CDS1: variants seen among roughly 807,000 people sequenced by gnomAD.
CDS1 encodes the protein CDP-diacylglycerol synthase 1.
A neutral mutation model predicts 62.1 loss-of-function variants in CDS1; 41 were observed. The observed-to-expected ratio is 0.66, with a 90% CI of 0.51 to 0.86. The LOEUF (loss-of-function observed/expected upper bound fraction) is 0.86, where lower values mean the gene tolerates loss of function less well. Ranked by LOEUF, CDS1 falls within the 40% of genes least tolerant of loss-of-function variation. The pLI, the probability that CDS1 is intolerant of heterozygous loss-of-function variation, is 0.00. For missense variants in CDS1, 470 were observed against 550.1 expected, an observed-to-expected ratio of 0.85 and a Z score of 1.46; for synonymous variants, 185 against 192.6, an observed-to-expected ratio of 0.96 and a Z score of 0.32.
intron 11 of CDS1, among the ~76,000 whole-genome samples, chr4:84,644,290 G>A (rs1724485625): frequency 6.6e-6 from 1 of 152,206 alleles, no homozygotes; most frequent in African/African-American, 2.4e-5. Context: ...CAACAGCTGT[G>A]CAGGATAAGT....
intron 1 of CDS1, among the ~76,000 whole-genome samples, chr4:84,599,447 T>C (rs1722866276): frequency 2.9e-5 from 4 of 138,094 alleles, no homozygotes; most frequent in Non-Finnish European, 1.6e-5. Flanking sequence ...TATATATATA[T>C]ATATGCCTAT....
At chr4:84,591,742 G>T (rs1219691569) in intron 1 of CDS1, among the ~76,000 whole-genome samples, 1 of 152,144 alleles carries the variant, frequency 6.6e-6, no homozygotes, top group East Asian at 1.9e-4. Flanking sequence ...GGTATTTAGA[G>T]CCAGGATTTA....
intron 12 of CDS1, among the ~76,000 whole-genome samples, chr4:84,646,542 T>A: frequency 6.6e-6 from 1 of 152,204 alleles, no homozygotes; most frequent in East Asian, 1.9e-4. Flanking sequence ...TATTATATCT[T>A]CTTTAACACA....
intron 4 of CDS1, among the ~76,000 whole-genome samples, chr4:84,618,989 C>T (rs1186188382): frequency 6.6e-6 from 1 of 151,454 alleles, no homozygotes; most frequent in Non-Finnish European, 1.5e-5. Flanking sequence ...GTATTAAAAT[C>T]ATACACACAC....
intron 8 of CDS1, among the ~76,000 whole-genome samples, chr4:84,635,852 G>C (rs567987783): frequency 8.0e-5 from 12 of 150,928 alleles, no homozygotes; most frequent in Admixed American, 2.6e-4. Context: ...CACCTCCCAG[G>C]CTCTAGCAAT....
chr4:84,595,521 A>T (rs1173826116), intron 1 of CDS1, among the ~76,000 whole-genome samples: 1 of 152,214 alleles, frequency 6.6e-6, no homozygotes, highest in East Asian at 1.9e-4. Context: ...TTTAGTACAG[A>T]TGCAACCACC....
intron 5 of CDS1, among the ~76,000 whole-genome samples, chr4:84,620,160 C>T (rs1723633919): frequency 6.7e-6 from 1 of 148,906 alleles, no homozygotes; most frequent in African/African-American, 2.5e-5. Context: ...ATATATATTG[C>T]TTTATTTGTC....
chr4:84,596,730 C>G (rs11929910), intron 1 of CDS1, among the ~76,000 whole-genome samples: 98,818 of 151,930 alleles, frequency 0.65, 32,606 homozygotes, highest in African/African-American at 0.77. Context: ...GGGGAGGGAA[C>G]CATTATTTTG....
intron 1 of CDS1, among the ~76,000 whole-genome samples, chr4:84,594,043 A>G (rs943348018): frequency 1.3e-5 from 2 of 152,168 alleles, no homozygotes; most frequent in African/African-American, 2.4e-5. Context: ...CATACCTCAC[A>G]TAGCTGGGTC....
intron 1 of CDS1, among the ~76,000 whole-genome samples, chr4:84,603,974 A>G (rs1324737886): frequency 1.3e-5 from 2 of 152,210 alleles, no homozygotes; most frequent in Non-Finnish European, 1.5e-5. Context: ...TTTTAGGGGT[A>G]TATTTCTGAT....
intron 3 of CDS1, among the ~76,000 whole-genome samples, chr4:84,612,129 CT>C (rs1723343362): frequency 6.7e-6 from 1 of 150,314 alleles, no homozygotes; most frequent in Non-Finnish European, 1.5e-5. Flanking sequence ...CCACTTGGAC[CT>C]TTGCTCACGG....
intron 6 of CDS1, among the ~76,000 whole-genome samples, chr4:84,633,541 C>A (rs1006772154): frequency 6.6e-6 from 1 of 152,184 alleles, no homozygotes; most frequent in Non-Finnish European, 1.5e-5. Flanking sequence ...CAACAGAAAT[C>A]TCTCATCATC....
rs543014410 is a variant in CDS1, at chr4:84,648,698, G to A, written c.*12G>A. 29 of 1,608,692 alleles carry A rather than the reference G, an allele frequency of 1.8e-5. No homozygotes were observed. The African/African-American group carries it at 3.7e-4, about 21-fold the overall frequency. The stretch of plus-strand genomic sequence containing the variant: ...CCTTGAAGGTATAACTGGATCCAGA[G>A]AGGGAAGGACTGACAAGAAGGAATT... On this transcript the variant is annotated 3_prime_UTR_variant, in exon 13 of 13. Coordinates refer to ENST00000295887, the MANE Select transcript of CDS1 (RefSeq NM_001263.4).
intron 5 of CDS1, among the ~76,000 whole-genome samples, chr4:84,620,329 A>T (rs895115945): frequency 6.8e-6 from 1 of 146,226 alleles, no homozygotes; most frequent in Non-Finnish European, 1.5e-5. Context: ...TCCACGCCAT[A>T]CTCCTGCCTC....
intron 3 of CDS1, among the ~76,000 whole-genome samples, chr4:84,614,460 T>G (rs759753598): frequency 6.6e-6 from 1 of 152,218 alleles, no homozygotes; most frequent in Non-Finnish European, 1.5e-5. Context: ...GTTCTTTTTT[T>G]TATTGTGAAT....
chr4:84,613,006 A>AAG (rs1560472275), intron 3 of CDS1, among the ~76,000 whole-genome samples: 8 of 148,296 alleles, frequency 5.4e-5, no homozygotes, highest in Admixed American at 1.4e-4. Flanking sequence ...AAAAAAAAAA[A>AAG]AGAATATTAA....
At chr4:84,583,564 T>C (rs756444017) in intron 1 of CDS1, 46 bp downstream of exon 1, 1 of 1,228,052 alleles carries the variant, frequency 8.1e-7, no homozygotes, top group East Asian at 2.9e-5. Context: ...GGCTGGGTCC[T>C]GGTTGGAAGC....
chr4:84,609,601 A>G (rs1370373904), intron 3 of CDS1, 76 bp downstream of exon 3: 1 of 832,758 alleles, frequency 1.2e-6, no homozygotes, highest in Non-Finnish European at 2.0e-6. Flanking sequence ...TAATTTGAGC[A>G]TATCATAAAA....
chr4:84,587,669 C>A (rs1228737744), intron 1 of CDS1, among the ~76,000 whole-genome samples: 3 of 152,262 alleles, frequency 2.0e-5, no homozygotes, highest in Middle Eastern at 3.4e-3. Flanking sequence ...CCTCTGCCCT[C>A]TGAAGACTTG....
Sources: allele counts gnomAD v4.1 joint callset (sites outside exome capture counted in the v4.1 genomes callset), GRCh38; gene constraint gnomAD v4.1.1; transcripts MANE v1.5; gene names NCBI Gene and HGNC (gene_info 2026-07-23, HGNC 2026-07-21).